TTF2: variants seen among roughly 807,000 people sequenced by gnomAD.
TTF2 encodes the protein transcription termination factor 2, also known as RNA polymerase II termination factor.
A neutral mutation model predicts 142.4 loss-of-function variants in TTF2; 108 were observed. The ratio of observed to expected loss-of-function variants is 0.76; its 90% CI spans 0.65 to 0.89. The LOEUF (loss-of-function observed/expected upper bound fraction) is 0.89, where lower values mean the gene tolerates loss of function less well. Among genes scored for constraint, TTF2 ranks in the 40% least tolerant of loss-of-function variants. The probability of loss-of-function intolerance (pLI) is 0.00; values close to 1 mark genes in which losing one functional copy is unlikely to be tolerated. For missense variants in TTF2, 1,327 were observed against 1,379.8 expected (o/e 0.96, Z 0.61); for synonymous variants, 483 against 506.2 (o/e 0.95, Z 0.61).
At position 117,073,190 on chromosome 1, in the gene TTF2, T is replaced by C. The variant is rs2101397933; in HGVS notation, c.219-471T>C. ...TTCTCCACAGTATAGTTTTACGCCT[T>C]CTTCTGTTGTTTCTATTTCCTATAA... On this transcript the variant is annotated intron_variant, in intron 3 of 22. Coordinates refer to ENST00000369466, the MANE Select transcript of TTF2 (RefSeq NM_003594.4). The surrounding 1 kb of genome is among the most constrained non-coding windows in gnomAD (Gnocchi z 4.4). 6.6e-6 allele frequency among the ~76,000 whole-genome samples: 1 copy of C among 152,332 alleles called. No homozygotes were observed. The highest frequency in any genetic ancestry group is 1.9e-4 in the East Asian group (1 of 5,194).
rs1045049469 is a variant in TTF2, at chr1:117,073,789, C to T, written c.285+62C>T. On this transcript the variant is annotated intron_variant, in intron 4 of 22. Coordinates refer to ENST00000369466, the MANE Select transcript of TTF2 (RefSeq NM_003594.4). This position sits in a 1 kb window ranked among gnomAD's most constrained non-coding sequence, Gnocchi z 4.4. The stretch of plus-strand genomic sequence containing the variant: ...TAAGACTTTTAATATGCAGCATCAC[C>T]TGAAAATACCTTGAAGTTCACGTAA... 6.8e-7 allele frequency: 1 copy of T among 1,468,394 alleles called. No homozygotes were observed. Among genetic ancestry groups the T allele is most frequent in the Non-Finnish European group, 9.4e-7 (1 of 1,059,394 alleles). The allele number at this position is 1,468,394 out of a possible 1,614,324, so 91.0% of individuals were successfully genotyped here. A position where few individuals can be genotyped will look rare whatever the true frequency, so the allele number is the denominator to read the frequency against.
chr1:117,089,702 T>A (rs531214997), intron 13 of TTF2, among the ~76,000 whole-genome samples: 20 of 151,986 alleles, frequency 1.3e-4, no homozygotes, highest in Admixed American at 5.2e-4. Context: ...AAGAAAAAAA[T>A]TAAAAATAAA....
intron 3 of TTF2, among the ~76,000 whole-genome samples, chr1:117,062,743 T>C (rs2101261240): frequency 6.6e-6 from 1 of 152,314 alleles, no homozygotes; most frequent in East Asian, 1.9e-4. Flanking sequence ...CAGCTGACCA[T>C]TGGCCACTAA....
chr1:117,069,422 C>T (rs1269151572), intron 3 of TTF2, among the ~76,000 whole-genome samples: 1 of 152,156 alleles, frequency 6.6e-6, no homozygotes, highest in Non-Finnish European at 1.5e-5. Context: ...ATGACCTTGA[C>T]AATTTTGATG....
Position 117,075,540 on chromosome 1 carries a change from C to T in TTF2, c.956C>T (p.Thr319Ile), listed in dbSNP as rs1656924550. 1 of 1,614,044 alleles carries T rather than the reference C, an allele frequency of 6.2e-7. No individual in the cohort carries two copies. Among genetic ancestry groups the T allele is most frequent in the Non-Finnish European group, 8.5e-7 (1 of 1,180,030 alleles). Residue 319 changes from threonine to isoleucine, a missense_variant, in exon 5 of 23, where the codon ACC (threonine) becomes ATC (isoleucine). Coordinates refer to ENST00000369466, the MANE Select transcript of TTF2 (RefSeq NM_003594.4). The surrounding 1 kb of genome is among the most constrained non-coding windows in gnomAD (Gnocchi z 4.5). ...PQGHFQERPE[T>I]HSVPAPGGPA... ...GGGCATTTCCAAGAGCGGCCGGAGA[C>T]CCACAGTGTGCCTGCTCCTGGAGGA...
At position 117,100,872 on chromosome 1, in the gene TTF2, A is replaced by G. The variant is rs1254752433; in HGVS notation, c.3345-508A>G. Among the ~76,000 whole-genome samples the G allele has an allele frequency of 1.3e-5, 2 of 152,212 alleles. No homozygotes were observed. Among genetic ancestry groups the G allele is most frequent in the African/African-American group, 2.4e-5 (1 of 41,458 alleles). On this transcript the variant is annotated intron_variant, in intron 22 of 22. Transcript: ENST00000369466. The surrounding 1 kb of genome is among the most constrained non-coding windows in gnomAD (Gnocchi z 4.6). ...TTTTGTTCTGCTTTGGAGCAAGACT[A>G]TATTCATCTCTCCATCCCCACACCT...
At chr1:117,095,999 TA>T in intron 19 of TTF2, 149 bp from the exon 20 acceptor site, 1 of 748,620 alleles carries the variant, frequency 1.3e-6, no homozygotes, top group Non-Finnish European at 2.2e-6. Flanking sequence ...AGATATGACC[TA>T]AATGTGTGCC....
At chr1:117,089,018 C>T (rs769758665) in intron 13 of TTF2, 36 bp downstream of exon 13, 7 of 1,551,810 alleles carry the variant, frequency 4.5e-6, no homozygotes, top group Non-Finnish European at 5.2e-6. Flanking sequence ...AATATGAACC[C>T]TGTCTGTATC....
intron 3 of TTF2, among the ~76,000 whole-genome samples, chr1:117,062,807 T>TA (rs1328689719): frequency 1.3e-5 from 2 of 152,188 alleles, no homozygotes; most frequent in Admixed American, 1.3e-4. Flanking sequence ...AGGTAGTGAG[T>TA]AAAAATGGCT....
In TTF2 at chr1:117,090,009, T is replaced by C. The variant is rs761928617; in HGVS notation, c.2343-46T>C. The C allele has an allele frequency of 9.1e-5, 144 of 1,580,510 alleles. 1 individual carries two copies. Among genetic ancestry groups the C allele is most frequent in the Non-Finnish European group, 3.4e-6 (4 of 1,163,656 alleles). On this transcript the variant is annotated intron_variant, in intron 13 of 22. Coordinates refer to ENST00000369466, the MANE Select transcript of TTF2 (RefSeq NM_003594.4). The surrounding 1 kb of genome is among the most constrained non-coding windows in gnomAD (Gnocchi z 4.8). ...CTTTGAACCTTTATTCCATTCTCCC[T>C]GACTTTTCCTTCCCTACTCTGTGCC...
chr1:117,096,347 T>C (rs1184024375), intron 20 of TTF2, 48 bp downstream of exon 20: 1 of 1,579,212 alleles, frequency 6.3e-7, no homozygotes, highest in Non-Finnish European at 8.6e-7. Context: ...TTCTGAGTTA[T>C]ACAAAGAGAA....
Position 117,079,982 on chromosome 1 carries a change from C to A in TTF2, c.1783+333C>A, listed in dbSNP as rs1037037554. On this transcript the variant is annotated intron_variant, in intron 9 of 22. Transcript: ENST00000369466. This position sits in a 1 kb window ranked among gnomAD's most constrained non-coding sequence, Gnocchi z 4.2. ...TCAGGAGCCATGGCTAGAGCCAACACACAAACAGCAGTCTATTGCCTCCCT... is the reference window on the plus strand; with the variant it reads ...TCAGGAGCCATGGCTAGAGCCAACAAACAAACAGCAGTCTATTGCCTCCCT... 1.8e-4 allele frequency among the ~76,000 whole-genome samples: 27 copies of A among 151,620 alleles called. No homozygotes were observed. Among genetic ancestry groups the A allele is most frequent in the African/African-American group, 6.3e-4 (26 of 41,352 alleles).
At chr1:117,094,266 G>A (rs1359870668) in intron 18 of TTF2, among the ~76,000 whole-genome samples, 1 of 152,166 alleles carries the variant, frequency 6.6e-6, no homozygotes, top group African/African-American at 2.4e-5. Context: ...AGGAATCTGA[G>A]TCCCAAAGTG....
intron 3 of TTF2, among the ~76,000 whole-genome samples, chr1:117,066,479 TG>T: frequency 6.6e-6 from 1 of 152,256 alleles, no homozygotes; most frequent in African/African-American, 2.4e-5. Flanking sequence ...ATTGCTCACA[TG>T]GCCCTAACTT....
At chr1:117,068,574 CA>C (rs199578590) in intron 3 of TTF2, among the ~76,000 whole-genome samples, 4 of 150,752 alleles carry the variant, frequency 2.7e-5, no homozygotes, top group African/African-American at 7.3e-5. Flanking sequence ...TATTCACCTC[CA>C]AAAAAAAATT....
rs1397429621 is a variant in TTF2, at chr1:117,092,341, T to C, written c.2806-390T>C. Among the ~76,000 whole-genome samples the C allele has an allele frequency of 6.6e-6, 1 of 152,194 alleles. No individual in the cohort carries two copies. The highest frequency in any genetic ancestry group is 2.1e-4 in the South Asian group (1 of 4,822). On this transcript the variant is annotated intron_variant, in intron 17 of 22. Transcript: ENST00000369466. The surrounding 1 kb of genome is among the most constrained non-coding windows in gnomAD (Gnocchi z 4.4). ...GTTTTGGGGTTTTGGGTTCCAGTTA[T>C]AAAAACTCAGATAGTTATACAGACT...
chr1:117,084,038 C>T lies in TTF2; in HGVS notation c.1924C>T (p.His642Tyr), dbSNP rs1054666833. 4.3e-6 allele frequency: 7 copies of T among 1,614,132 alleles called. No individual in the cohort carries two copies. The highest frequency in any genetic ancestry group is 5.9e-6 in the Non-Finnish European group (7 of 1,180,016). ...TCAAGACTCTTGTGACTTTACTTCC[C>T]ATGGAACACTAATCATCTGTCCTGC... is the stretch of plus-strand genomic sequence containing the variant. Reference protein sequence around the residue: ...SKDDSCDFTSHGTLIICPASL... With the variant: ...SKDDSCDFTSYGTLIICPASL... The change falls in exon 11 of 23, where the codon CAT (histidine) becomes TAT (tyrosine). Residue 642 changes from histidine (H) to tyrosine (Y), a missense_variant. Transcript: ENST00000369466.
intron 18 of TTF2, among the ~76,000 whole-genome samples, chr1:117,094,433 G>A (rs1648905227): frequency 6.6e-6 from 1 of 152,108 alleles, no homozygotes; most frequent in Non-Finnish European, 1.5e-5. Context: ...GGAAGAATGA[G>A]CCCAGCTGCA....
chr1:117,104,096 C>G lies in TTF2; in HGVS notation c.*2572C>G, dbSNP rs1649787475. ...TCAAGAAGCAAAGGAAGTAACATTG[C>G]CTTTTTGAAGTTTTGCTATAAGATT... On this transcript the variant is annotated 3_prime_UTR_variant, in exon 23 of 23. Transcript: ENST00000369466. 1 of 152,154 alleles carries G rather than the reference C, an allele frequency of 6.6e-6. No individual in the cohort carries two copies. The highest frequency in any genetic ancestry group is 2.4e-5 in the African/African-American group (1 of 41,412). The allele number at this position is 152,154 out of a possible 1,614,324, so 9.4% of individuals were successfully genotyped here.
Sources: allele counts gnomAD v4.1 joint callset (sites outside exome capture counted in the v4.1 genomes callset), GRCh38; gene constraint gnomAD v4.1.1; non-coding constraint Gnocchi (gnomAD v3.1); transcripts MANE v1.5; gene names NCBI Gene and HGNC (gene_info 2026-07-23, HGNC 2026-07-21).